ABR: variants seen among roughly 807,000 people sequenced by gnomAD.
The protein encoded by ABR is ABR activator of RhoGEF and GTPase, also known as active breakpoint cluster region-related protein.
A neutral mutation model predicts 107.2 loss-of-function variants in ABR; 35 were observed. The ratio of observed to expected loss-of-function variants is 0.33; its 90% CI spans 0.25 to 0.43. The LOEUF (loss-of-function observed/expected upper bound fraction) is 0.43. Among genes scored for constraint, ABR ranks in the 20% least tolerant of loss-of-function variants. The probability of loss-of-function intolerance (pLI) is 1.00; values close to 1 mark genes in which losing one functional copy is unlikely to be tolerated. For synonymous variants in ABR, 498 were observed against 462.0 expected (o/e 1.08, Z -1.00); for missense variants, 815 against 1,115.2 (o/e 0.73, Z 3.83).
At chr17:1,056,894 T>C (rs1404892151) in intron 13 of ABR, 104 bp downstream of exon 13, 6 of 751,608 alleles carry the variant, frequency 8.0e-6, no homozygotes, top group Admixed American at 1.9e-5. Flanking sequence ...CGAGCAGGGA[T>C]CAGCCATTTA....
intron 9 of ABR, 137 bp from the exon 10 acceptor site, chr17:1,067,379 G>C: frequency 3.5e-6 from 3 of 856,174 alleles, no homozygotes; most frequent in East Asian, 2.8e-5. Flanking sequence ...CCCTGCTCCT[G>C]AGGAGCCTGA....
rs905062012 is a variant in ABR, at chr17:1,179,463, C to T, written c.61+204G>A. 6.6e-6 allele frequency among the ~76,000 whole-genome samples: 1 copy of T among 150,902 alleles called. No individual in the cohort carries two copies. The highest frequency in any genetic ancestry group is 2.4e-5 in the African/African-American group (1 of 41,042). ...GCCCGCGCCCCCCAGACCAGCCCGG[C>T]TCCTGGGTCCCGACCCCGATCCCGA... On this transcript the variant is annotated intron_variant, in intron 1 of 22. Coordinates refer to ENST00000302538, the MANE Select transcript of ABR (RefSeq NM_021962.5). The surrounding 1 kb of genome is among the most constrained non-coding windows in gnomAD (Gnocchi z 4.9).
At chr17:1,090,754 G>C (rs779082318) in intron 4 of ABR, among the ~76,000 whole-genome samples, 3 of 152,232 alleles carry the variant, frequency 2.0e-5, no homozygotes, top group Non-Finnish European at 4.4e-5. Flanking sequence ...GAGGCCTCCA[G>C]CCTCTCACAC....
At chr17:1,188,054 A>G (rs1322410152), upstream of ABR, among the ~76,000 whole-genome samples, 5 of 151,900 alleles carry the variant, frequency 3.3e-5, no homozygotes, top group Non-Finnish European at 7.4e-5. Context: ...TGTCTCTATT[A>G]AAAACACAAA....
Position 1,057,005 on chromosome 17 carries a change from A to T in ABR, c.1479T>A (p.Asn493Lys), listed in dbSNP as rs2033358518. Residue 493 changes from asparagine to lysine, a missense_variant, in exon 13 of 23, where the codon AAT (asparagine) becomes AAA (lysine). By Grantham distance (94) the Asn-to-Lys change is moderately conservative. Around this residue, in one of 5 missense-constraint regions of ABR, gnomAD observed 385 missense variants for 596.9 expected, o/e 0.64. Transcript: ENST00000302538. ...TCTGGTTCCCGAGCTTACCGTCTTT[A>T]TTGCTGGTGACAGGAATGTTGTGTA... ...RTVHNIPVTS[N>K]KDDDESPGLY... 6.2e-7 allele frequency: 1 copy of T among 1,606,790 alleles called. No individual in the cohort carries two copies. Among genetic ancestry groups the T allele is most frequent in the South Asian group, 1.1e-5 (1 of 90,790 alleles).
chr17:1,214,587 A>G (rs535391930), intron 1 of ABR, among the ~76,000 whole-genome samples: 1 of 152,166 alleles, frequency 6.6e-6, no homozygotes, highest in African/African-American at 2.4e-5. Context: ...AGATCACCTG[A>G]CGTCAGGAGT....
At chr17:1,181,813 CCCT>C (rs1236761712), upstream of ABR, 2 of 152,242 alleles carry the variant, frequency 1.3e-5, no homozygotes, top group African/African-American at 4.8e-5. Context: ...CAGCACCGTC[CCCT>C]CCTCAAAACA....
At position 1,027,768 on chromosome 17, in the gene ABR, G is replaced by T. The variant is rs551511165; in HGVS notation, c.1792-14604C>A. Among the ~76,000 whole-genome samples the T allele has an allele frequency of 1.3e-5, 2 of 152,190 alleles. No individual in the cohort carries two copies. Among genetic ancestry groups the T allele is most frequent in the South Asian group, 4.2e-4 (2 of 4,802 alleles). On this transcript the variant is annotated intron_variant, in intron 16 of 22. Coordinates refer to ENST00000302538, the MANE Select transcript of ABR (RefSeq NM_021962.5). The surrounding 1 kb of genome is among the most constrained non-coding windows in gnomAD (Gnocchi z 4.7). ...TATGGGGGTGTGTGTGAACAGAGAA[G>T]ACGCACGATGAAGCTTTCTTCCCAC...
chr17:1,067,585 C>T (rs548183636), intron 9 of ABR, among the ~76,000 whole-genome samples: 4 of 152,228 alleles, frequency 2.6e-5, no homozygotes, highest in Non-Finnish European at 5.9e-5. Context: ...CCACCACAAT[C>T]CCCTCCCTCC....
At chr17:1,224,950 T>C (rs1179837296) in intron 1 of ABR, among the ~76,000 whole-genome samples, 3 of 151,320 alleles carry the variant, frequency 2.0e-5, no homozygotes, top group East Asian at 2.0e-4. Context: ...GAGATCGAGA[T>C]CATCCTGGCT....
At position 1,092,272 on chromosome 17, in the gene ABR, G is replaced by A. The variant is rs2037082077; in HGVS notation, c.346-422C>T. Among the ~76,000 whole-genome samples, 1 of 152,204 alleles carries A rather than the reference G, an allele frequency of 6.6e-6. No homozygotes were observed. Among genetic ancestry groups the A allele is most frequent in the South Asian group, 2.1e-4 (1 of 4,834 alleles). On this transcript the variant is annotated intron_variant, in intron 3 of 22. Coordinates refer to ENST00000302538, the MANE Select transcript of ABR (RefSeq NM_021962.5). The surrounding 1 kb of genome is among the most constrained non-coding windows in gnomAD (Gnocchi z 4.6). The stretch of plus-strand genomic sequence containing the variant: ...GCTGTTTCCTTCCAAGAAACAGAAT[G>A]TGGTTCTAGGACTCAGAAGGTAGGG...
chr17:1,082,285 G>A (rs2036287993), intron 5 of ABR, among the ~76,000 whole-genome samples: 1 of 152,144 alleles, frequency 6.6e-6, no homozygotes, highest in Admixed American at 6.5e-5. Context: ...GGGATGAACT[G>A]GGCTCTGTCC....
intron 4 of ABR, 131 bp from the exon 5 acceptor site, chr17:1,083,758 T>TCAGCTCGTTCATCCCTCAC: frequency 1.4e-6 from 1 of 740,690 alleles, no homozygotes; most frequent in Non-Finnish European, 2.4e-6. Flanking sequence ...CGTTGGGAAC[T>TCAGCTCGTTCATCCCTCAC]TGGGGAAACG....
rs989411816 is a variant in ABR at position 1,136,386 on chromosome 17, G to T, written c.62-11019C>A. The stretch of plus-strand genomic sequence containing the variant: ...TGGGATTACAGATGTGCACCACCAG[G>T]CCTGGCTGATTTTTGTATTTTTAGT... On this transcript the variant is annotated intron_variant, in intron 1 of 22. Transcript: ENST00000302538. Among the ~76,000 whole-genome samples, 8 of 152,240 alleles carry T rather than the reference G, an allele frequency of 5.3e-5. No homozygotes were observed. In the East Asian group the frequency reaches 7.7e-4, roughly 15 times the overall value.
chr17:1,007,786 G>A (rs1355644787), intron 21 of ABR, among the ~76,000 whole-genome samples: 1 of 152,240 alleles, frequency 6.6e-6, no homozygotes, highest in Non-Finnish European at 1.5e-5. Flanking sequence ...TTGAACCCCG[G>A]TAGCTGCCTC....
intron 1 of ABR, among the ~76,000 whole-genome samples, chr17:1,207,814 G>C (rs1210584784): frequency 6.6e-6 from 1 of 151,902 alleles, no homozygotes; most frequent in Admixed American, 6.6e-5. Flanking sequence ...CTGTTGCCCA[G>C]GCTGGAGTGC....
chr17:1,223,375 C>T (rs1445454315), intron 1 of ABR, among the ~76,000 whole-genome samples: 1 of 151,860 alleles, frequency 6.6e-6, no homozygotes, highest in Non-Finnish European at 1.5e-5. Context: ...TGTTCTGCTA[C>T]ACTCTTTAAT....
At chr17:1,083,702 A>C in intron 4 of ABR, 75 bp from the exon 5 acceptor site, 1 of 1,268,966 alleles carries the variant, frequency 7.9e-7, no homozygotes, top group Non-Finnish European at 1.1e-6. Context: ...TGAAAGCTTC[A>C]CGGAGCACCG....
chr17:1,225,736 C>A (rs754144295), intron 1 of ABR, among the ~76,000 whole-genome samples: 1 of 152,118 alleles, frequency 6.6e-6, no homozygotes, highest in Admixed American at 6.6e-5. Flanking sequence ...GTGCTTCCTA[C>A]GTGCCAGGAC....
Sources: gnomAD v4.1 joint callset for allele counts (sites outside exome capture counted in the v4.1 genomes callset) on GRCh38, gnomAD v4.1.1 for gene constraint, gnomAD v4.1.1 regional missense constraint, Gnocchi (gnomAD v3.1) non-coding constraint, MANE v1.5 for transcripts, NCBI Gene and HGNC (gene_info 2026-07-23, HGNC 2026-07-21) for gene names.